Variants in STX8 observed in about 807,000 individuals in gnomAD.
STX8 encodes syntaxin-8.
Under a neutral mutation model 37.5 loss-of-function variants are expected in STX8, and 23 were observed. The ratio of observed to expected loss-of-function variants is 0.61; its 90% CI spans 0.44 to 0.87. The LOEUF (loss-of-function observed/expected upper bound fraction) is 0.87. STX8 is among the 40% of genes least tolerant of loss of function. The probability of loss-of-function intolerance (pLI) is 0.00; values close to 1 mark genes in which losing one functional copy is unlikely to be tolerated. For synonymous variants in STX8, 115 were observed against 99.1 expected, an observed-to-expected ratio of 1.16 and a Z score of -0.95; for missense variants, 313 against 284.7, an observed-to-expected ratio of 1.10 and a Z score of -0.71.
At chr17:9,512,370 G>A (rs1418354862) in intron 4 of STX8, among the ~76,000 whole-genome samples, 2 of 152,048 alleles carry the variant, frequency 1.3e-5, no homozygotes, top group African/African-American at 4.8e-5. Flanking sequence ...GTACTACAAT[G>A]CTGTTTTTAT....
chr17:9,377,414 T>A (rs1398866446), intron 7 of STX8, among the ~76,000 whole-genome samples: 2 of 151,966 alleles, frequency 1.3e-5, no homozygotes, highest in Non-Finnish European at 2.9e-5. Context: ...GATTCTCCTG[T>A]CTCAGCCTCC....
At chr17:9,395,178 A>G (rs1425484227) in intron 6 of STX8, among the ~76,000 whole-genome samples, 1 of 152,216 alleles carries the variant, frequency 6.6e-6, no homozygotes, top group Non-Finnish European at 1.5e-5. Context: ...CATTATGTTT[A>G]TAGCTCTTTA....
intron 7 of STX8, among the ~76,000 whole-genome samples, chr17:9,348,991 C>T (rs906402486): frequency 7.9e-5 from 12 of 152,252 alleles, no homozygotes; most frequent in South Asian, 6.2e-4. Context: ...TACATACCTA[C>T]GATAAAGTTA....
intron 7 of STX8, among the ~76,000 whole-genome samples, chr17:9,301,570 C>T (rs952606842): frequency 1.3e-5 from 2 of 151,760 alleles, no homozygotes; most frequent in Admixed American, 6.6e-5. Flanking sequence ...GCAAGCTCCA[C>T]CTCCCGCGTT....
rs147598957 is a variant in STX8, at chr17:9,419,108, T to C, written c.542-40455A>G. Among the ~76,000 whole-genome samples the C allele has an allele frequency of 5.3e-3, 807 of 151,790 alleles. 7 individuals carry two copies. Among genetic ancestry groups the C allele is most frequent in the African/African-American group, 0.018 (734 of 41,386 alleles). On this transcript the variant is annotated intron_variant, in intron 6 of 7. Transcript: ENST00000306357. ...CTAATTTTTTTCAAAAATTGTTTTG[T>C]AGAAATAGGGGTCTCACTATGTTGT... is the stretch of plus-strand genomic sequence containing the variant.
chr17:9,487,745 A>G (rs562346961), intron 6 of STX8, among the ~76,000 whole-genome samples: 47 of 152,166 alleles, frequency 3.1e-4, no homozygotes, highest in Non-Finnish European at 3.2e-4. Context: ...GGAAGCAGCA[A>G]AAGGGATAGG....
intron 6 of STX8, among the ~76,000 whole-genome samples, chr17:9,379,479 TAGTC>T (rs1005016710): frequency 2.4e-4 from 37 of 152,228 alleles, no homozygotes; most frequent in African/African-American, 8.4e-4. Flanking sequence ...ACTGAAAAAT[TAGTC>T]AGTGGTTGCG....
chr17:9,548,249 C>CAA (rs1403942033), intron 3 of STX8, among the ~76,000 whole-genome samples: 6 of 152,090 alleles, frequency 3.9e-5, no homozygotes, highest in Non-Finnish European at 8.8e-5. Context: ...GGATTACATG[C>CAA]ACATGCCACC....
chr17:9,274,390 C>A (rs1049749093), intron 7 of STX8, among the ~76,000 whole-genome samples: 3 of 151,950 alleles, frequency 2.0e-5, no homozygotes, highest in African/African-American at 4.8e-5. Context: ...TCAGGCCGGG[C>A]GCGGTGGCTC....
intron 5 of STX8, among the ~76,000 whole-genome samples, chr17:9,503,060 C>G (rs1259789508): frequency 7.9e-6 from 1 of 126,450 alleles, no homozygotes; most frequent in African/African-American, 3.0e-5. Flanking sequence ...GAGCTGAGAT[C>G]GTACCACTGC....
chr17:9,515,290 T>A (rs1355448063), intron 4 of STX8, among the ~76,000 whole-genome samples: 1 of 152,204 alleles, frequency 6.6e-6, no homozygotes, highest in Non-Finnish European at 1.5e-5. Context: ...TAATTTCACT[T>A]TTAGTTTAGA....
intron 7 of STX8, among the ~76,000 whole-genome samples, chr17:9,283,609 C>A (rs530125718): frequency 6.6e-6 from 1 of 152,288 alleles, no homozygotes; most frequent in South Asian, 2.1e-4. Context: ...AGTATAAACT[C>A]AAGAAAAGTA....
intron 6 of STX8, among the ~76,000 whole-genome samples, chr17:9,386,272 T>C (rs1278995449): frequency 6.6e-6 from 1 of 152,188 alleles, no homozygotes; most frequent in Non-Finnish European, 1.5e-5. Context: ...GAGCTACTCA[T>C]GCATGCCACA....
At chr17:9,427,669 T>G (rs925809825) in intron 6 of STX8, among the ~76,000 whole-genome samples, 29 of 152,014 alleles carry the variant, frequency 1.9e-4, no homozygotes, top group Admixed American at 5.2e-4. Flanking sequence ...AATGACAGAG[T>G]GGCAACTGTT....
chr17:9,461,732 G>T (rs528989107), intron 6 of STX8, among the ~76,000 whole-genome samples: 1 of 151,928 alleles, frequency 6.6e-6, no homozygotes, highest in African/African-American at 2.4e-5. Context: ...CATTTATCGC[G>T]CACTTTATTT....
intron 7 of STX8, among the ~76,000 whole-genome samples, chr17:9,269,588 AAAGT>A (rs1165535279): frequency 6.6e-6 from 1 of 152,256 alleles, no homozygotes; most frequent in Non-Finnish European, 1.5e-5. Flanking sequence ...CTTCTGGAAA[AAAGT>A]AAGATAGACA....
intron 4 of STX8, among the ~76,000 whole-genome samples, chr17:9,532,088 A>C (rs983936048): frequency 3.3e-5 from 5 of 152,074 alleles, no homozygotes; most frequent in African/African-American, 1.2e-4. Context: ...CCAAAGAGAT[A>C]ATCTTTCTTT....
chr17:9,354,374 T>G (rs968494401), intron 7 of STX8, among the ~76,000 whole-genome samples: 5 of 141,000 alleles, frequency 3.5e-5, no homozygotes, highest in Non-Finnish European at 7.5e-5. Context: ...CAGGCTGGAG[T>G]GCGGTGGTGA....
chr17:9,361,084 A>G, intron 7 of STX8, among the ~76,000 whole-genome samples: 1 of 152,220 alleles, frequency 6.6e-6, no homozygotes, highest in East Asian at 1.9e-4. Flanking sequence ...CGCTGGTTCA[A>G]TGACTGAAAA....
Sources: allele counts gnomAD v4.1 joint callset (sites outside exome capture counted in the v4.1 genomes callset), GRCh38; gene constraint gnomAD v4.1.1; transcripts MANE v1.5; gene names NCBI Gene and HGNC (gene_info 2026-07-23, HGNC 2026-07-21).